Variants in PHACTR1 observed in about 807,000 individuals in gnomAD.
The protein encoded by PHACTR1 is RPEL repeat containing 1.
In PHACTR1, 16 loss-of-function variants were observed where a neutral mutation model predicts 69.2. The observed-to-expected ratio is 0.23, with a 90% CI of 0.16 to 0.35. The LOEUF (loss-of-function observed/expected upper bound fraction) is 0.35, where lower values mean the gene tolerates loss of function less well. PHACTR1 is among the 10% of genes least tolerant of loss of function. The pLI is 1.00. For missense variants in PHACTR1, 510 were observed against 734.7 expected, an observed-to-expected ratio of 0.69 and a Z score of 3.54; for synonymous variants, 312 against 284.5, an observed-to-expected ratio of 1.10 and a Z score of -0.97.
At chr6:12,924,776 GAA>G (rs10533765) in intron 4 of PHACTR1, among the ~76,000 whole-genome samples, 39,875 of 134,006 alleles carry the variant, frequency 0.3, 6,057 homozygotes, top group Middle Eastern at 0.39. Flanking sequence ...CTCTGTCCCG[GAA>G]AAAAAAAAAA....
At chr6:12,996,149 G>A (rs931719067) in intron 4 of PHACTR1, among the ~76,000 whole-genome samples, 2 of 151,952 alleles carry the variant, frequency 1.3e-5, no homozygotes, top group South Asian at 4.1e-4. Context: ...TAGCCATGCC[G>A]TCAACTCAAT....
At position 13,227,870 on chromosome 6, in the gene PHACTR1, G is replaced by A. The variant is rs368693842; in HGVS notation, c.1041G>A (p.Ser347=). The A allele has an allele frequency of 4.6e-5, 74 of 1,613,854 alleles. No homozygotes were observed. Among genetic ancestry groups the A allele is most frequent in the African/African-American group, 9.3e-5 (7 of 74,902 alleles). The change falls in exon 9 of 15, where the codon TCG becomes TCA. Residue 347 remains serine (S), a synonymous_variant. Transcript: ENST00000332995. ...CTTACCACAGCTCTGGGTTGCACTCGGGTGATGGGGTCACCAAAGCAGGAC... is the reference window on the plus strand; with the variant it reads ...CTTACCACAGCTCTGGGTTGCACTCAGGTGATGGGGTCACCAAAGCAGGAC... ...STSYHSSGLH[S]GDGVTKAGPM... is the part of the protein sequence containing the mutation.
At chr6:12,786,055 T>C (rs891936211) in intron 4 of PHACTR1, among the ~76,000 whole-genome samples, 1 of 152,238 alleles carries the variant, frequency 6.6e-6, no homozygotes, top group Non-Finnish European at 1.5e-5. Flanking sequence ...GTTTTCTCCC[T>C]CTGCCCTTGG....
chr6:13,124,704 G>T (rs78452696), intron 5 of PHACTR1, among the ~76,000 whole-genome samples: 2,105 of 152,308 alleles, frequency 0.014, 38 homozygotes, highest in African/African-American at 0.046. Context: ...AGGCTGGAAG[G>T]CTGAGATAAG....
chr6:12,753,222 G>A (rs1339966273), intron 4 of PHACTR1, among the ~76,000 whole-genome samples: 5 of 152,176 alleles, frequency 3.3e-5, no homozygotes, highest in African/African-American at 1.2e-4. Context: ...TTGTAAGAGT[G>A]CAGCCTGCCT....
chr6:12,793,713 A>G (rs1353690476), intron 4 of PHACTR1, among the ~76,000 whole-genome samples: 1 of 152,082 alleles, frequency 6.6e-6, no homozygotes, highest in Non-Finnish European at 1.5e-5. Context: ...TAACCATAAC[A>G]CTCTGTTTTC....
rs1352535026 is a variant in PHACTR1 at position 13,090,096 on chromosome 6, C to T, written c.415+36567C>T. ...TGAGACGGAGTTTCGCTCTTGTTGC[C>T]TAGGCTGGAGTGTAATGGCGCGATC... On this transcript the variant is annotated intron_variant, in intron 5 of 14. Transcript: ENST00000332995. Among the ~76,000 whole-genome samples, 4 of 152,102 alleles carry T rather than the reference C, an allele frequency of 2.6e-5. No individual in the cohort carries two copies. The South Asian group carries it at 6.2e-4, about 24-fold the overall frequency.
At position 12,924,108 on chromosome 6, in the gene PHACTR1, G is replaced by A. The variant is rs566356137; in HGVS notation, c.251-129257G>A. Among the ~76,000 whole-genome samples the A allele has an allele frequency of 3.3e-5, 5 of 152,202 alleles. No homozygotes were observed. The South Asian group carries it at 1.0e-3, about 32-fold the overall frequency. ...TGTTGTATTGGGGTAAGTTTTGGAG[G>A]CAGTAGTTTAGATGATATAAAATAT... On this transcript the variant is annotated intron_variant, in intron 4 of 14. Transcript: ENST00000332995.
intron 7 of PHACTR1, among the ~76,000 whole-genome samples, chr6:13,205,065 C>T (rs768604192): frequency 6.6e-6 from 1 of 152,192 alleles, no homozygotes; most frequent in Non-Finnish European, 1.5e-5. Flanking sequence ...TTCTTTAGCT[C>T]ACAGTTCTGC....
At chr6:12,745,198 C>T (rs1209044607) in intron 3 of PHACTR1, among the ~76,000 whole-genome samples, 1 of 152,194 alleles carries the variant, frequency 6.6e-6, no homozygotes, top group East Asian at 1.9e-4. Context: ...CTCCGCTTCT[C>T]ACCTCCATCC....
rs1199949729 is a variant in PHACTR1, at chr6:13,127,803, G to C, written c.416-32401G>C. Among the ~76,000 whole-genome samples the C allele has an allele frequency of 2.6e-5, 4 of 152,190 alleles. No homozygotes were observed. In the East Asian group the frequency reaches 7.7e-4, roughly 29 times the overall value. ...AGTGGAAGCTGTAGTTGGCAGCATA[G>C]CATAATGTATTTATTCAGTGTTTCA... is the stretch of plus-strand genomic sequence containing the variant. On this transcript the variant is annotated intron_variant, in intron 5 of 14. Coordinates refer to ENST00000332995, the MANE Select transcript of PHACTR1 (RefSeq NM_030948.6).
chr6:12,970,666 G>A (rs1470491180), intron 4 of PHACTR1, among the ~76,000 whole-genome samples: 1 of 152,214 alleles, frequency 6.6e-6, no homozygotes. Context: ...TGAGGCACGA[G>A]CATCGTTTGA....
chr6:13,134,795 T>TAAAAAAA (rs35318262), intron 5 of PHACTR1, among the ~76,000 whole-genome samples: 1 of 111,364 alleles, frequency 9.0e-6, no homozygotes. Flanking sequence ...CAATAAATAC[T>TAAAAAAA]AAAAAAAAAA....
chr6:12,765,701 C>CTA (rs1168288953), intron 4 of PHACTR1, among the ~76,000 whole-genome samples: 1 of 152,146 alleles, frequency 6.6e-6, no homozygotes, highest in Non-Finnish European at 1.5e-5. Context: ...CTGGAATAAT[C>CTA]TAGAGACCTG....
At chr6:12,891,473 G>A (rs1784166697) in intron 4 of PHACTR1, among the ~76,000 whole-genome samples, 1 of 152,094 alleles carries the variant, frequency 6.6e-6, no homozygotes, top group Non-Finnish European at 1.5e-5. Flanking sequence ...TTTTTATCAT[G>A]AGGAAACAAA....
intron 4 of PHACTR1, among the ~76,000 whole-genome samples, chr6:12,809,424 A>T (rs770698591): frequency 6.6e-6 from 1 of 152,194 alleles, no homozygotes; most frequent in South Asian, 2.1e-4. Context: ...AAGAAGGCCC[A>T]GTGAAACCTC....
At chr6:13,255,299 C>T (rs1775026873) in intron 10 of PHACTR1, among the ~76,000 whole-genome samples, 2 of 152,198 alleles carry the variant, frequency 1.3e-5, no homozygotes, top group South Asian at 2.1e-4. Context: ...AAACTGCTCC[C>T]ATCATTCAAT....
chr6:13,079,618 A>C (rs1811064052), intron 5 of PHACTR1, among the ~76,000 whole-genome samples: 1 of 152,102 alleles, frequency 6.6e-6, no homozygotes, highest in African/African-American at 2.4e-5. Context: ...TAAGTTTCAG[A>C]AACATACCTC....
intron 6 of PHACTR1, among the ~76,000 whole-genome samples, chr6:13,180,420 T>C (rs1352072915): frequency 6.6e-6 from 1 of 152,208 alleles, no homozygotes; most frequent in Non-Finnish European, 1.5e-5. Context: ...GCAATATTGC[T>C]TCTCTGTTAC....
Sources: allele counts gnomAD v4.1 joint callset (sites outside exome capture counted in the v4.1 genomes callset), GRCh38; gene constraint gnomAD v4.1.1; transcripts MANE v1.5; gene names NCBI Gene and HGNC (gene_info 2026-07-23, HGNC 2026-07-21).